TMEM150B: variants seen among roughly 807,000 people sequenced by gnomAD.
The protein encoded by TMEM150B is transmembrane protein 150B, also known as modulator of macroautophagy TMEM150B.
Under a neutral mutation model 25.2 loss-of-function variants are expected in TMEM150B, and 33 were observed. The ratio of observed to expected loss-of-function variants is 1.31; its 90% CI spans 0.99 to 1.75. The LOEUF (loss-of-function observed/expected upper bound fraction) is 1.75, where lower values mean the gene tolerates loss of function less well. Ranked by LOEUF, TMEM150B falls within the 40% of genes most tolerant of loss-of-function variation. The pLI, the probability that TMEM150B is intolerant of heterozygous loss-of-function variation, is 0.00. For synonymous variants in TMEM150B, 133 were observed against 134.8 expected, an observed-to-expected ratio of 0.99 and a Z score of 0.09; for missense variants, 322 against 306.1, an observed-to-expected ratio of 1.05 and a Z score of -0.39.
At chr19:55,323,306 C>A (rs1224083466) in intron 1 of TMEM150B, among the ~76,000 whole-genome samples, 1 of 151,830 alleles carries the variant, frequency 6.6e-6, no homozygotes, top group African/African-American at 2.4e-5. Context: ...GTGGCGGGAG[C>A]CTGTAATCCC....
downstream of TMEM150B, chr19:55,312,122 C>T: frequency 3.9e-6 from 3 of 760,176 alleles, no homozygotes; most frequent in Non-Finnish European, 6.2e-6. Context: ...TCCGTGCCCC[C>T]CAACTGTGAA....
At chr19:55,314,727 C>T (rs1358563197) in intron 7 of TMEM150B, among the ~76,000 whole-genome samples, 1 of 152,148 alleles carries the variant, frequency 6.6e-6, no homozygotes, top group Non-Finnish European at 1.5e-5. Flanking sequence ...GCAAAGGAGA[C>T]CTAATGGTCT....
chr19:55,314,624 T>C (rs1406943751), intron 7 of TMEM150B, among the ~76,000 whole-genome samples: 1 of 152,014 alleles, frequency 6.6e-6, no homozygotes, highest in Non-Finnish European at 1.5e-5. Context: ...AAGAGACTAC[T>C]GAGTCCCACA....
intron 1 of TMEM150B, chr19:55,324,828 G>A (rs547576367): frequency 6.6e-4 from 655 of 985,338 alleles, no homozygotes; most frequent in South Asian, 1.1e-3. Flanking sequence ...GCCCAGACAT[G>A]AATCTGAGCC....
At chr19:55,311,858 G>T, downstream of TMEM150B, 1 of 1,587,398 alleles carries the variant, frequency 6.3e-7, no homozygotes, top group Non-Finnish European at 8.6e-7. Flanking sequence ...CTGGTAATGG[G>T]AACCCCAACC....
At chr19:55,312,677 C>G (rs993721861), downstream of TMEM150B, 11 of 657,414 alleles carry the variant, frequency 1.7e-5, no homozygotes, top group Non-Finnish European at 1.5e-5. Flanking sequence ...ATGCTGGCTG[C>G]CACCAGCTGT....
intron 6 of TMEM150B, among the ~76,000 whole-genome samples, chr19:55,317,376 T>C (rs2089040661): frequency 6.6e-6 from 1 of 152,160 alleles, no homozygotes; most frequent in Non-Finnish European, 1.5e-5. Context: ...CCTGGTGCGG[T>C]GGCTCACATC....
chr19:55,319,696 T>G, intron 6 of TMEM150B: 1 of 1,054,256 alleles, frequency 9.5e-7, no homozygotes, highest in South Asian at 2.9e-5. Context: ...GCGATCCGCC[T>G]GCCTCCGCCT....
At chr19:55,319,855 G>GC in intron 6 of TMEM150B, 184 bp downstream of exon 6, 1 of 1,429,004 alleles carries the variant, frequency 7.0e-7, no homozygotes, top group South Asian at 1.5e-5. Flanking sequence ...CGCTCGTAGT[G>GC]CCCCACTCAG....
chr19:55,313,466 C>A (rs576143899), intron 7 of TMEM150B, among the ~76,000 whole-genome samples: 1 of 152,174 alleles, frequency 6.6e-6, no homozygotes. Flanking sequence ...TTGCAACTTT[C>A]TCCTGAACAT....
downstream of TMEM150B, among the ~76,000 whole-genome samples, chr19:55,311,450 AC>A (rs554533951): frequency 2.4e-4 from 37 of 151,380 alleles, no homozygotes; most frequent in African/African-American, 7.8e-4. Context: ...GGGGCCTGAG[AC>A]CCCCCCGACT....
At chr19:55,316,400 T>C (rs1006501878) in intron 7 of TMEM150B, among the ~76,000 whole-genome samples, 3 of 151,668 alleles carry the variant, frequency 2.0e-5, no homozygotes, top group Non-Finnish European at 2.9e-5. Flanking sequence ...CAAGGGACTG[T>C]TCTTAGTATA....
chr19:55,313,014 C>G lies in TMEM150B; in HGVS notation c.547G>C (p.Ala183Pro). Residue 183 changes from alanine (A) to proline (P), a missense_variant, in exon 8 of 8, where the codon GCC becomes CCC. Physicochemically the swap from Ala to Pro is conservative, Grantham distance 27. Transcript: ENST00000326652. ...HACSLRSVSA[A>P]CEWVVAMLLF... is the part of the protein sequence containing the mutation. ...AGCATGGCCACGACCCACTCGCAGG[C>G]CGCAGAGACGCTACGCAGCGAGCAG... is the stretch of plus-strand genomic sequence containing the variant. The G allele has an allele frequency of 6.2e-7, 1 of 1,613,470 alleles. No homozygotes were observed.
downstream of TMEM150B, chr19:55,311,960 C>G: frequency 1.2e-6 from 2 of 1,606,920 alleles, no homozygotes; most frequent in Non-Finnish European, 1.7e-6. Context: ...CACCCCGAAG[C>G]CTGCAGCCCC....
At chr19:55,309,563 G>C (rs1285809229), downstream of TMEM150B, among the ~76,000 whole-genome samples, 1 of 152,188 alleles carries the variant, frequency 6.6e-6, no homozygotes, top group African/African-American at 2.4e-5. Flanking sequence ...GCACGTTGGT[G>C]CTGTGTCTTC....
chr19:55,314,031 C>G (rs1410864307), intron 7 of TMEM150B, among the ~76,000 whole-genome samples: 1 of 151,888 alleles, frequency 6.6e-6, no homozygotes, highest in African/African-American at 2.4e-5. Context: ...GAGACCTGGT[C>G]TTTTTTTTGA....
At chr19:55,324,807 G>A in intron 1 of TMEM150B, 19 of 985,346 alleles carry the variant, frequency 1.9e-5, no homozygotes, top group Non-Finnish European at 2.2e-5. Context: ...TTTTTCCGGA[G>A]GTCTCCGTTT....
Position 55,325,326 on chromosome 19 carries a change from G to A in TMEM150B, c.-208C>T. The A allele has an allele frequency of 2.0e-6, 2 of 985,448 alleles. No individual in the cohort carries two copies. The highest frequency in any genetic ancestry group is 2.4e-6 in the Non-Finnish European group (2 of 829,936). 61.0% of individuals were successfully genotyped at this position (985,448 alleles called of 1,614,324 possible). ...CTGAAGGATCCTTCCAGAAGCTAGG[G>A]CTGCTGGCCTGGCTCAGCCGAGGGG... On this transcript the variant is annotated 5_prime_UTR_variant, in exon 1 of 8. Transcript: ENST00000326652.
At chr19:55,315,258 G>C (rs1387781378) in intron 7 of TMEM150B, among the ~76,000 whole-genome samples, 2 of 152,066 alleles carry the variant, frequency 1.3e-5, no homozygotes, top group Non-Finnish European at 2.9e-5. Flanking sequence ...GGGGGTTGCA[G>C]TGAGCCAAGA....
Sources: allele counts gnomAD v4.1 joint callset (sites outside exome capture counted in the v4.1 genomes callset), GRCh38; gene constraint gnomAD v4.1.1; transcripts MANE v1.5; gene names NCBI Gene and HGNC (gene_info 2026-07-23, HGNC 2026-07-21).